The following FGGY variants were observed in gnomAD, a reference collection of about 807,000 sequenced individuals.
FGGY encodes the protein FGGY carbohydrate kinase domain containing.
Under a neutral mutation model 71.3 loss-of-function variants are expected in FGGY, and 72 were observed. That is an observed-to-expected ratio of 1.01 (90% CI 0.84 to 1.23). The LOEUF is 1.23. FGGY is among the 50% of genes most tolerant of loss of function. FGGY has a pLI of 0.00. For missense variants in FGGY, 668 were observed against 682.3 expected, an observed-to-expected ratio of 0.98 and a Z score of 0.23; for synonymous variants, 251 against 250.3, an observed-to-expected ratio of 1.00 and a Z score of -0.02.
chr1:59,626,856 A>C (rs76366699), intron 10 of FGGY: 5 of 149,308 alleles, frequency 3.3e-5, no homozygotes, highest in Non-Finnish European at 7.5e-5. Context: ...CTCCGTCTCA[A>C]AAAAAAAAAA....
At chr1:59,566,223 A>G (rs1442810950) in intron 8 of FGGY, among the ~76,000 whole-genome samples, 1 of 152,102 alleles carries the variant, frequency 6.6e-6, no homozygotes, top group African/African-American at 2.4e-5. Context: ...TGAGGCAGTC[A>G]TGGTGGAGCC....
intron 14 of FGGY, among the ~76,000 whole-genome samples, chr1:59,738,642 T>A (rs1890213): frequency 0.062 from 9,421 of 152,300 alleles, 386 homozygotes; most frequent in Admixed American, 0.1. Context: ...CTGGTTATTC[T>A]GGGAAATGAA....
At chr1:59,420,835 T>C (rs973737144) in intron 5 of FGGY, among the ~76,000 whole-genome samples, 5 of 152,038 alleles carry the variant, frequency 3.3e-5, no homozygotes, top group Non-Finnish European at 7.4e-5. Context: ...GTGATCCCAG[T>C]AATCACAAAG....
At chr1:59,610,249 A>G (rs1260885582) in intron 9 of FGGY, among the ~76,000 whole-genome samples, 1 of 151,496 alleles carries the variant, frequency 6.6e-6, no homozygotes, top group Non-Finnish European at 1.5e-5. Flanking sequence ...TAACTCCCCA[A>G]CTGGCCCCAG....
chr1:59,610,892 C>T (rs759278337), intron 9 of FGGY, among the ~76,000 whole-genome samples: 1 of 152,246 alleles, frequency 6.6e-6, no homozygotes, highest in Admixed American at 6.5e-5. Flanking sequence ...GAGGGTCCCA[C>T]GCCCACAGAG....
intron 6 of FGGY, among the ~76,000 whole-genome samples, chr1:59,473,254 C>T (rs901043488): frequency 3.3e-5 from 5 of 151,542 alleles, no homozygotes; most frequent in South Asian, 2.1e-4. Context: ...CCGGGAGGAA[C>T]GAACAACTCC....
At chr1:59,557,099 C>T (rs541736625) in intron 8 of FGGY, among the ~76,000 whole-genome samples, 1 of 152,162 alleles carries the variant, frequency 6.6e-6, no homozygotes, top group African/African-American at 2.4e-5. Context: ...AACCCAGCAA[C>T]AATAACACCT....
chr1:59,624,211 C>T (rs12036310), intron 9 of FGGY, among the ~76,000 whole-genome samples: 6 of 151,926 alleles, frequency 3.9e-5, no homozygotes, highest in East Asian at 3.9e-4. Flanking sequence ...TATTCAACAA[C>T]GTATACCTGG....
intron 14 of FGGY, among the ~76,000 whole-genome samples, chr1:59,712,247 A>G (rs1354578357): frequency 6.6e-6 from 1 of 152,192 alleles, no homozygotes; most frequent in Admixed American, 6.5e-5. Context: ...CTCATGCAAG[A>G]TGTAGGTTCC....
intron 5 of FGGY, among the ~76,000 whole-genome samples, chr1:59,432,807 CATTCCTAG>C (rs1290201386): frequency 6.6e-6 from 1 of 152,110 alleles, no homozygotes; most frequent in African/African-American, 2.4e-5. Context: ...CATAATTTCC[CATTCCTAG>C]TTTCAGAAGA....
intron 14 of FGGY, among the ~76,000 whole-genome samples, chr1:59,708,004 A>C (rs180755726): frequency 6.6e-6 from 1 of 152,202 alleles, no homozygotes; most frequent in East Asian, 1.9e-4. Context: ...ATTTAAAAGA[A>C]GGGGACATTT....
intron 15 of FGGY, among the ~76,000 whole-genome samples, chr1:59,758,608 A>G (rs2098314531): frequency 6.6e-6 from 1 of 152,236 alleles, no homozygotes; most frequent in Admixed American, 6.5e-5. Flanking sequence ...TGCTTTTGGG[A>G]GGAGGTTATG....
intron 3 of FGGY, among the ~76,000 whole-genome samples, chr1:59,341,582 A>G (rs1355972831): frequency 6.6e-6 from 1 of 152,086 alleles, no homozygotes; most frequent in African/African-American, 2.4e-5. Context: ...TGTCTTAGCA[A>G]ATGCTGGGGC....
chr1:59,565,324 G>A (rs1027015848), intron 8 of FGGY, among the ~76,000 whole-genome samples: 4 of 151,848 alleles, frequency 2.6e-5, no homozygotes, highest in Non-Finnish European at 5.9e-5. Context: ...TCGCACTCTT[G>A]CTCAGGCTGG....
chr1:59,639,933 T>C (rs879554732), intron 11 of FGGY, among the ~76,000 whole-genome samples: 11 of 152,202 alleles, frequency 7.2e-5, no homozygotes, highest in Non-Finnish European at 1.6e-4. Context: ...AGAAGGATAT[T>C]CTAATACAGT....
intron 7 of FGGY, among the ~76,000 whole-genome samples, chr1:59,531,245 A>G (rs1471938669): frequency 6.6e-6 from 1 of 152,194 alleles, no homozygotes; most frequent in Non-Finnish European, 1.5e-5. Flanking sequence ...TATAGGTGTG[A>G]AGATCAAGAT....
At chr1:59,740,606 A>G (rs971548842) in intron 14 of FGGY, among the ~76,000 whole-genome samples, 1 of 152,232 alleles carries the variant, frequency 6.6e-6, no homozygotes, top group African/African-American at 2.4e-5. Context: ...ATTTATCAGT[A>G]TTATTTATCA....
chr1:59,321,946 A>G (rs1327477326), intron 2 of FGGY, among the ~76,000 whole-genome samples, 196 bp downstream of exon 2: 1 of 152,206 alleles, frequency 6.6e-6, no homozygotes, highest in African/African-American at 2.4e-5. Flanking sequence ...GCTGGGATCA[A>G]AGTAACTATA....
intron 4 of FGGY, among the ~76,000 whole-genome samples, chr1:59,351,512 C>G (rs1335930395): frequency 1.3e-5 from 2 of 152,132 alleles, no homozygotes; most frequent in Admixed American, 1.3e-4. Context: ...AATGCTTGCT[C>G]CAACCATTGT....
Sources: allele counts gnomAD v4.1 joint callset (sites outside exome capture counted in the v4.1 genomes callset), GRCh38; gene constraint gnomAD v4.1.1; transcripts MANE v1.5; gene names NCBI Gene and HGNC (gene_info 2026-07-23, HGNC 2026-07-21).